TJP1: variants seen among roughly 807,000 people sequenced by gnomAD.
The protein encoded by TJP1 is tight junction protein ZO-1.
Under a neutral mutation model 194.2 loss-of-function variants are expected in TJP1, and 43 were observed. The ratio of observed to expected loss-of-function variants is 0.22; its 90% confidence interval spans 0.17 to 0.29. The LOEUF (loss-of-function observed/expected upper bound fraction) is 0.29, where lower values mean the gene tolerates loss of function less well. TJP1 is among the 10% of genes least tolerant of loss of function. TJP1 has a pLI of 1.00. For synonymous variants in TJP1, 801 were observed against 779.0 expected, an observed-to-expected ratio of 1.03 and a Z score of -0.47; for missense variants, 1,971 against 2,185.7, an observed-to-expected ratio of 0.90 and a Z score of 1.96.
intron 2 of TJP1, among the ~76,000 whole-genome samples, chr15:29,948,668 G>A (rs1410452347): frequency 6.6e-6 from 1 of 152,136 alleles, no homozygotes; most frequent in Non-Finnish European, 1.5e-5. Context: ...ACGCAGAGGA[G>A]GGGAGATGCA....
At chr15:29,860,734 C>T (rs1479714407) in intron 2 of TJP1, among the ~76,000 whole-genome samples, 3 of 152,122 alleles carry the variant, frequency 2.0e-5, no homozygotes, top group Non-Finnish European at 4.4e-5. Flanking sequence ...TGCAGGCATA[C>T]CTCATTTTGT....
At chr15:29,839,661 T>C (rs1567122548) in intron 2 of TJP1, among the ~76,000 whole-genome samples, 1 of 152,038 alleles carries the variant, frequency 6.6e-6, no homozygotes, top group Non-Finnish European at 1.5e-5. Flanking sequence ...AATAATAAAA[T>C]AACAAGAAAA....
chr15:29,781,175 T>C lies in TJP1; in HGVS notation c.85-7818A>G, dbSNP rs77735980. Reference sequence around the variant, plus strand: ...GACCCCACAGGAATACAAGTAACCATCAGAGAATACTATGAACACAGCCAT... The same window carrying C: ...GACCCCACAGGAATACAAGTAACCACCAGAGAATACTATGAACACAGCCAT... On this transcript the variant is annotated intron_variant, in intron 2 of 27. Coordinates refer to ENST00000614355, the MANE Select transcript of TJP1 (RefSeq NM_001330239.4). 6.1e-3 allele frequency among the ~76,000 whole-genome samples: 925 copies of C among 152,132 alleles called. 8 individuals carry two copies. The highest frequency in any genetic ancestry group is 0.021 in the African/African-American group (876 of 41,520).
intron 2 of TJP1, among the ~76,000 whole-genome samples, chr15:29,786,300 G>C (rs886547663): frequency 1.3e-5 from 2 of 152,106 alleles, no homozygotes; most frequent in East Asian, 3.9e-4. Flanking sequence ...GCTTCTTACA[G>C]AATACCTCCA....
At chr15:29,775,080 G>A (rs1400325656) in intron 2 of TJP1, among the ~76,000 whole-genome samples, 1 of 152,160 alleles carries the variant, frequency 6.6e-6, no homozygotes, top group Non-Finnish European at 1.5e-5. Context: ...TCCCATCTAA[G>A]ATGTGAATCA....
intron 2 of TJP1, among the ~76,000 whole-genome samples, chr15:29,915,413 A>G (rs2054153087): frequency 6.6e-6 from 1 of 152,148 alleles, no homozygotes; most frequent in African/African-American, 2.4e-5. Flanking sequence ...TAAATTTAAC[A>G]ACCTCCCACT....
chr15:29,916,883 C>T (rs1638518860), intron 2 of TJP1, among the ~76,000 whole-genome samples: 1 of 152,100 alleles, frequency 6.6e-6, no homozygotes, highest in Non-Finnish European at 1.5e-5. Context: ...ATCATAGAGC[C>T]ATTTCCTTTC....
chr15:29,733,636 A>G (rs1371615793), intron 12 of TJP1, among the ~76,000 whole-genome samples: 1 of 152,208 alleles, frequency 6.6e-6, no homozygotes, highest in Non-Finnish European at 1.5e-5. Flanking sequence ...TTCTCAAATA[A>G]AGGTAATTTT....
chr15:29,763,137 G>C (rs996219271), intron 5 of TJP1, among the ~76,000 whole-genome samples: 8 of 152,156 alleles, frequency 5.3e-5, no homozygotes, highest in African/African-American at 1.9e-4. Context: ...GTGGGCAGGA[G>C]TTATAATGCC....
intron 27 of TJP1, among the ~76,000 whole-genome samples, chr15:29,702,239 T>TC (rs1197283659): frequency 6.6e-6 from 1 of 151,896 alleles, no homozygotes; most frequent in South Asian, 2.1e-4. Flanking sequence ...AAGACTGTCT[T>TC]CCCCCTTACA....
intron 4 of TJP1, among the ~76,000 whole-genome samples, chr15:29,771,027 C>T (rs1376618169): frequency 2.0e-5 from 3 of 152,152 alleles, no homozygotes; most frequent in Non-Finnish European, 2.9e-5. Flanking sequence ...CTGCAAGCTC[C>T]ATTCATAGTA....
intron 2 of TJP1, among the ~76,000 whole-genome samples, chr15:29,835,222 T>C (rs531002126): frequency 3.8e-4 from 58 of 152,372 alleles, no homozygotes; most frequent in African/African-American, 1.3e-3. Context: ...TATAAAACTA[T>C]ATATTAATAC....
intron 2 of TJP1, among the ~76,000 whole-genome samples, chr15:29,896,240 C>T (rs1378593311): frequency 6.6e-6 from 1 of 152,128 alleles, no homozygotes; most frequent in Admixed American, 6.6e-5. Context: ...ATGATGGGGG[C>T]GGATCTTTCC....
intron 2 of TJP1, among the ~76,000 whole-genome samples, chr15:29,849,854 C>T (rs1048378541): frequency 6.6e-6 from 1 of 151,952 alleles, no homozygotes; most frequent in Non-Finnish European, 1.5e-5. Flanking sequence ...GGATTGTAGA[C>T]GCGAACCACC....
intron 2 of TJP1, among the ~76,000 whole-genome samples, chr15:29,897,466 G>C (rs919391511): frequency 2.0e-5 from 3 of 152,208 alleles, no homozygotes; most frequent in African/African-American, 7.2e-5. Context: ...AGTGTGGAAG[G>C]GAAATGTGAG....
rs371865369 is a variant in TJP1, at chr15:29,965,456, C to T, written c.173+3211G>A. Among the ~76,000 whole-genome samples the T allele has an allele frequency of 3.1e-3, 477 of 152,242 alleles. 4 individuals carry two copies. Among genetic ancestry groups the T allele is most frequent in the African/African-American group, 0.011 (462 of 41,528 alleles). On this transcript the variant is annotated intron_variant, in intron 1 of 28. Coordinates refer to the TJP1 transcript ENST00000356107. ...CGACCTCCTGACCTCAAGTGGTCCA[C>T]CCATCTTGGTCTCTCACAGTGCTGA...
At chr15:29,950,691 A>G (rs987064380) in intron 2 of TJP1, among the ~76,000 whole-genome samples, 5 of 152,124 alleles carry the variant, frequency 3.3e-5, no homozygotes, top group Non-Finnish European at 7.4e-5. Flanking sequence ...ATGTCCCTCC[A>G]TGGACTTTCT....
At chr15:29,892,934 A>T (rs543261703) in intron 2 of TJP1, among the ~76,000 whole-genome samples, 1 of 152,356 alleles carries the variant, frequency 6.6e-6, no homozygotes, top group South Asian at 2.1e-4. Context: ...ATATCTAAAA[A>T]ATACATTTTA....
At chr15:29,929,889 A>G (rs1179668490) in intron 2 of TJP1, among the ~76,000 whole-genome samples, 1 of 152,096 alleles carries the variant, frequency 6.6e-6, no homozygotes, top group Non-Finnish European at 1.5e-5. Context: ...AGGCATAAAT[A>G]GGAATGAAAA....
Sources: allele counts gnomAD v4.1 joint callset (sites outside exome capture counted in the v4.1 genomes callset), GRCh38; gene constraint gnomAD v4.1.1; transcripts MANE v1.5; gene names NCBI Gene and HGNC (gene_info 2026-07-23, HGNC 2026-07-21).